The following SLC2A9 variants were observed in gnomAD, a reference collection of about 807,000 sequenced individuals.
The protein encoded by SLC2A9 is solute carrier family 2, facilitated glucose transporter member 9.
In SLC2A9, 39 loss-of-function variants were observed where a neutral mutation model predicts 50.6. That is an observed-to-expected ratio of 0.77 (90% CI 0.60 to 1.01). SLC2A9 has a LOEUF of 1.01. SLC2A9 is among the 50% of genes least tolerant of loss of function. The pLI is 0.00. For synonymous variants in SLC2A9, 324 were observed against 276.9 expected (o/e 1.17, Z -1.69); for missense variants, 686 against 677.6 (o/e 1.01, Z -0.14).
At chr4:9,847,562 G>A (rs527866330) in intron 10 of SLC2A9, among the ~76,000 whole-genome samples, 1 of 152,266 alleles carries the variant, frequency 6.6e-6, no homozygotes, top group East Asian at 1.9e-4. Flanking sequence ...AATCCCCTCA[G>A]TGTTTGCTGG....
intron 3 of SLC2A9, among the ~76,000 whole-genome samples, chr4:9,784,592 G>A (rs1424605738): frequency 6.6e-6 from 1 of 152,238 alleles, no homozygotes; most frequent in African/African-American, 2.4e-5. Flanking sequence ...GATGAAATGT[G>A]AATGAACTTG....
At chr4:9,792,092 T>G (rs1372022657) in intron 3 of SLC2A9, among the ~76,000 whole-genome samples, 1 of 152,062 alleles carries the variant, frequency 6.6e-6, no homozygotes, top group Non-Finnish European at 1.5e-5. Context: ...TCACTACTGT[T>G]TGATTTGAAA....
downstream of SLC2A9, among the ~76,000 whole-genome samples, chr4:9,821,398 C>T (rs1348161452): frequency 6.6e-6 from 1 of 151,832 alleles, no homozygotes; most frequent in Non-Finnish European, 1.5e-5. Flanking sequence ...AACACAGGAA[C>T]AGAAAACGAA....
intron 5 of SLC2A9, among the ~76,000 whole-genome samples, chr4:9,975,288 A>C (rs1316728801): frequency 6.6e-6 from 1 of 152,220 alleles, no homozygotes; most frequent in African/African-American, 2.4e-5. Flanking sequence ...TCTTCAATTC[A>C]AGCAACTATC....
At chr4:9,892,651 A>ACTCAC (rs1287707381) in intron 8 of SLC2A9, among the ~76,000 whole-genome samples, 1 of 152,214 alleles carries the variant, frequency 6.6e-6, no homozygotes, top group Non-Finnish European at 1.5e-5. Context: ...CTGTGAGATA[A>ACTCAC]AGCGAAAGAA....
At chr4:9,986,014 T>C (rs1428073086) in intron 3 of SLC2A9, among the ~76,000 whole-genome samples, 1 of 152,240 alleles carries the variant, frequency 6.6e-6, no homozygotes, top group Non-Finnish European at 1.5e-5. Flanking sequence ...TTGACATCTA[T>C]GAATTCTCTG....
intron 3 of SLC2A9, among the ~76,000 whole-genome samples, chr4:9,790,399 TAC>T (rs1719758159): frequency 6.6e-6 from 1 of 152,218 alleles, no homozygotes. Context: ...TCTATTTTTC[TAC>T]ACACTTGATA....
intron 2 of SLC2A9, among the ~76,000 whole-genome samples, 174 bp from the exon 3 acceptor site, chr4:9,997,115 G>C (rs1051017936): frequency 3.3e-5 from 5 of 152,164 alleles, no homozygotes; most frequent in Non-Finnish European, 7.4e-5. Flanking sequence ...AAGAGCAGAA[G>C]ATGTTAATCT....
rs138515175 is a variant in SLC2A9 at position 9,858,077 on chromosome 4, G to A, written c.1292-23069C>T. On this transcript the variant is annotated intron_variant, in intron 10 of 11. Transcript: ENST00000264784. ...TAGTATCACAATTTAATTATTTCTT[G>A]ATTACCTAAAAGGGTTTATTGTATT... Among the ~76,000 whole-genome samples the A allele has an allele frequency of 2.6e-3, 393 of 152,290 alleles. 1 individual carries two copies. Among genetic ancestry groups the A allele is most frequent in the African/African-American group, 9.0e-3 (372 of 41,546 alleles).
At chr4:9,840,994 C>T (rs920425784) in intron 10 of SLC2A9, among the ~76,000 whole-genome samples, 5 of 152,132 alleles carry the variant, frequency 3.3e-5, no homozygotes, top group African/African-American at 1.2e-4. Flanking sequence ...ATCACAAGAA[C>T]AGCATGGGGG....
At chr4:9,846,602 T>C (rs1729037348) in intron 10 of SLC2A9, among the ~76,000 whole-genome samples, 1 of 152,162 alleles carries the variant, frequency 6.6e-6, no homozygotes, top group African/African-American at 2.4e-5. Context: ...TATAATCTCA[T>C]TTAATGAGCT....
chr4:9,996,302 G>A (rs529721749), intron 3 of SLC2A9, among the ~76,000 whole-genome samples: 3 of 152,336 alleles, frequency 2.0e-5, no homozygotes, highest in South Asian at 4.1e-4. Flanking sequence ...ATGTACTTAC[G>A]TGGAACAATT....
chr4:9,800,042 G>A (rs971348290), intron 3 of SLC2A9, among the ~76,000 whole-genome samples: 6 of 152,152 alleles, frequency 3.9e-5, no homozygotes, highest in African/African-American at 1.4e-4. Flanking sequence ...AAAGAGATGA[G>A]CTCAGAAAAG....
upstream of SLC2A9, among the ~76,000 whole-genome samples, chr4:10,023,264 T>C (rs527953392): frequency 4.6e-5 from 7 of 152,290 alleles, no homozygotes; most frequent in South Asian, 6.2e-4. Flanking sequence ...TGAAGCATGG[T>C]TGGGGCCTGA....
In SLC2A9 at chr4:9,826,500, T is replaced by C. The variant is rs899553019; in HGVS notation, c.1520A>G (p.Tyr507Cys). The C allele has an allele frequency of 6.2e-7, 1 of 1,614,082 alleles. No individual in the cohort carries two copies. Among genetic ancestry groups the C allele is most frequent in the Non-Finnish European group, 8.5e-7 (1 of 1,179,948 alleles). The change falls in exon 12 of 12, where the codon TAT (tyrosine) becomes TGT (cysteine). Residue 507 changes from tyrosine to cysteine, a missense_variant. Physicochemically the swap from Tyr to Cys is radical, Grantham distance 194. Coordinates refer to ENST00000264784, the MANE Select transcript of SLC2A9 (RefSeq NM_020041.3). ...GGAAAATGCCTGGCTGATTTCTGCA[T>C]AGGTTCTGTTTTTGGTCTCAGGCAG... Reference protein sequence around the residue: ...FVLPETKNRTYAEISQAFSKR... With the variant: ...FVLPETKNRTCAEISQAFSKR...
At chr4:9,822,603 C>G (rs997994562), downstream of SLC2A9, among the ~76,000 whole-genome samples, 6 of 152,190 alleles carry the variant, frequency 3.9e-5, no homozygotes, top group African/African-American at 1.4e-4. Flanking sequence ...TTGCACATAG[C>G]ATATAGATGG....
In SLC2A9 at chr4:9,992,591, C is replaced by T. The variant is rs6449213; in HGVS notation, c.410+4190G>A. ...TGCCTGGGACTTTAATCACAACTAT[C>T]GGAAGGAGAATTTCCACCAAGCTGG... On this transcript the variant is annotated intron_variant, in intron 3 of 11. Transcript: ENST00000264784. Among the ~76,000 whole-genome samples, 125,424 of 152,242 alleles carry T rather than the reference C, an allele frequency of 0.82. 51,803 individuals are homozygous for T. The highest frequency in any genetic ancestry group is 0.98 in the East Asian group (5,062 of 5,178).
intron 11 of SLC2A9, among the ~76,000 whole-genome samples, chr4:9,833,842 G>T (rs1726587049): frequency 6.6e-6 from 1 of 152,164 alleles, no homozygotes; most frequent in Admixed American, 6.5e-5. Context: ...CCTCCAGGTG[G>T]TACCACCCAG....
At chr4:9,818,170 TGTC>T (rs1466560511) in intron 3 of SLC2A9, among the ~76,000 whole-genome samples, 2 of 152,138 alleles carry the variant, frequency 1.3e-5, no homozygotes, top group Non-Finnish European at 2.9e-5. Context: ...GCTGAGCGGG[TGTC>T]CTTTGCAAGA....
Sources: gnomAD v4.1 joint callset for allele counts (sites outside exome capture counted in the v4.1 genomes callset) on GRCh38, gnomAD v4.1.1 for gene constraint, MANE v1.5 for transcripts, NCBI Gene and HGNC (gene_info 2026-07-23, HGNC 2026-07-21) for gene names.